Variants in TAFA2 observed in about 807,000 individuals in gnomAD.
TAFA2 encodes TAFA chemokine like family member 2.
Under a neutral mutation model 18.8 loss-of-function variants are expected in TAFA2, and 7 were observed. That is an observed-to-expected ratio of 0.37 (90% CI 0.21 to 0.70). The LOEUF is 0.70. Ranked by LOEUF, TAFA2 falls within the 30% of genes least tolerant of loss-of-function variation. The probability of loss-of-function intolerance (pLI) is 0.53; values close to 1 mark genes in which losing one functional copy is unlikely to be tolerated. For synonymous variants in TAFA2, 60 were observed against 54.2 expected (o/e 1.11, Z -0.47); for missense variants, 122 against 158.1 (o/e 0.77, Z 1.23).
chr12:61,788,540 G>A (rs1870835573), intron 2 of TAFA2, among the ~76,000 whole-genome samples: 1 of 151,498 alleles, frequency 6.6e-6, no homozygotes, highest in Non-Finnish European at 1.5e-5. Flanking sequence ...GCTAAAAAAG[G>A]AATAATAAAG....
intron 1 of TAFA2, among the ~76,000 whole-genome samples, chr12:62,024,847 A>G (rs1204022720): frequency 6.6e-6 from 1 of 152,130 alleles, no homozygotes; most frequent in East Asian, 1.9e-4. Context: ...CAAACTACAA[A>G]CATATGAAAA....
intron 1 of TAFA2, among the ~76,000 whole-genome samples, chr12:62,217,766 C>T (rs919882120): frequency 4.6e-5 from 7 of 152,166 alleles, no homozygotes; most frequent in Non-Finnish European, 5.9e-5. Context: ...TCACAGATAT[C>T]GATCCCAAGG....
intron 1 of TAFA2, among the ~76,000 whole-genome samples, chr12:62,125,210 G>T (rs767037626): frequency 6.6e-5 from 10 of 152,022 alleles, no homozygotes; most frequent in Non-Finnish European, 1.2e-4. Flanking sequence ...ACAGGAATAT[G>T]ATTGATAGGA....
At chr12:61,865,590 T>C (rs900372671) in intron 2 of TAFA2, among the ~76,000 whole-genome samples, 12 of 152,228 alleles carry the variant, frequency 7.9e-5, no homozygotes, top group African/African-American at 2.9e-4. Context: ...TAATTTATTA[T>C]GTTCAAGGAC....
intron 1 of TAFA2, among the ~76,000 whole-genome samples, chr12:62,187,303 A>G (rs971585746): frequency 4.6e-5 from 7 of 152,176 alleles, no homozygotes; most frequent in African/African-American, 1.7e-4. Context: ...GAATGTATTA[A>G]CAATGGCTCA....
At chr12:62,217,668 C>A (rs2136976695) in intron 1 of TAFA2, among the ~76,000 whole-genome samples, 1 of 152,302 alleles carries the variant, frequency 6.6e-6, no homozygotes, top group African/African-American at 2.4e-5. Flanking sequence ...ATACCTGTTC[C>A]AGAGCTTCCC....
intron 4 of TAFA2, among the ~76,000 whole-genome samples, chr12:61,724,840 G>T (rs937562832): frequency 6.7e-6 from 1 of 148,602 alleles, no homozygotes; most frequent in African/African-American, 2.5e-5. Context: ...ACACCCAGTA[G>T]TGAGATTGCT....
chr12:61,809,310 T>C (rs1162006845), intron 2 of TAFA2, among the ~76,000 whole-genome samples: 1 of 151,590 alleles, frequency 6.6e-6, no homozygotes, highest in Admixed American at 6.6e-5. Flanking sequence ...CTTCCTTATA[T>C]TTAGGATGAC....
At chr12:62,112,190 CA>C (rs1169160223) in intron 1 of TAFA2, among the ~76,000 whole-genome samples, 1 of 152,130 alleles carries the variant, frequency 6.6e-6, no homozygotes. Context: ...CTGGTGGTGA[CA>C]AAATCTCTCA....
intron 2 of TAFA2, among the ~76,000 whole-genome samples, chr12:61,794,964 C>A (rs1472389143): frequency 5.3e-5 from 8 of 152,170 alleles, no homozygotes; most frequent in Middle Eastern, 3.4e-3. Context: ...ATGCAGCCAA[C>A]AGACACATGA....
At chr12:62,069,359 G>T (rs1314965360) in intron 1 of TAFA2, among the ~76,000 whole-genome samples, 1 of 152,094 alleles carries the variant, frequency 6.6e-6, no homozygotes, top group Admixed American at 6.6e-5. Context: ...AAGGGGACAG[G>T]GATGGCATCT....
At chr12:61,834,195 T>G (rs568603414) in intron 2 of TAFA2, among the ~76,000 whole-genome samples, 1 of 152,186 alleles carries the variant, frequency 6.6e-6, no homozygotes, top group South Asian at 2.1e-4. Flanking sequence ...TAGACATAGC[T>G]TCTGCCCCAA....
intron 1 of TAFA2, among the ~76,000 whole-genome samples, chr12:62,094,167 T>A (rs1172014899): frequency 6.6e-6 from 1 of 152,102 alleles, no homozygotes; most frequent in Non-Finnish European, 1.5e-5. Flanking sequence ...TTCAAAAATA[T>A]CTGTATAATT....
chr12:61,949,946 G>C (rs1476852428), intron 1 of TAFA2, among the ~76,000 whole-genome samples: 15 of 151,956 alleles, frequency 9.9e-5, no homozygotes, highest in Admixed American at 9.8e-4. Context: ...CTAGTCCCTG[G>C]TAATCACTCT....
At chr12:61,963,335 C>T (rs754574596) in intron 1 of TAFA2, among the ~76,000 whole-genome samples, 4 of 151,876 alleles carry the variant, frequency 2.6e-5, no homozygotes, top group Non-Finnish European at 5.9e-5. Flanking sequence ...ATTCCTGTTT[C>T]GCCACATCCT....
Position 61,710,427 on chromosome 12 carries a change from A to C in TAFA2, c.385-10T>G, listed in dbSNP as rs759857575. 8 of 1,602,954 alleles carry C rather than the reference A, an allele frequency of 5.0e-6. No homozygotes were observed. In the Admixed American group the frequency reaches 1.0e-4, roughly 20 times the overall value. ...TGGGTTAATGGGTTACCTACAAAGG[A>C]AGGAGAAAATATAGTCAACATTTCA... On this transcript the variant is annotated splice_polypyrimidine_tract_variant and intron_variant, in intron 4 of 4. Transcript: ENST00000416284.
chr12:61,938,229 G>C (rs1200059597), intron 1 of TAFA2, among the ~76,000 whole-genome samples: 6 of 62,884 alleles, frequency 9.5e-5, no homozygotes, highest in Admixed American at 8.5e-4. Context: ...AATAGATATG[G>C]TAAAAAAAAA....
intron 1 of TAFA2, among the ~76,000 whole-genome samples, chr12:62,015,480 A>G (rs1880905827): frequency 6.6e-6 from 1 of 152,186 alleles, no homozygotes; most frequent in Non-Finnish European, 1.5e-5. Flanking sequence ...ATCTCAGTAA[A>G]TGGTTTTTAA....
At chr12:62,221,030 G>A (rs2062758401) in intron 1 of TAFA2, among the ~76,000 whole-genome samples, 1 of 152,030 alleles carries the variant, frequency 6.6e-6, no homozygotes, top group South Asian at 2.1e-4. Flanking sequence ...CATGAACCCG[G>A]GAGGCGGAGC....
Sources: allele counts gnomAD v4.1 joint callset (sites outside exome capture counted in the v4.1 genomes callset), GRCh38; gene constraint gnomAD v4.1.1; transcripts MANE v1.5; gene names NCBI Gene and HGNC (gene_info 2026-07-23, HGNC 2026-07-21).